Variants in TUNAR observed in about 807,000 individuals in gnomAD.
TUNAR encodes protein TUNAR.
intron 2 of TUNAR, among the ~76,000 whole-genome samples, chr14:95,913,799 C>T (rs2139669842): frequency 6.6e-6 from 1 of 152,216 alleles, no homozygotes; most frequent in South Asian, 2.1e-4. Context: ...GTGGCACGAT[C>T]TCAGCTCCCT....
intron 2 of TUNAR, among the ~76,000 whole-genome samples, chr14:95,888,179 A>G (rs1223472570): frequency 6.6e-6 from 1 of 152,240 alleles, no homozygotes; most frequent in Non-Finnish European, 1.5e-5. Flanking sequence ...CTTCTGAGAA[A>G]TGGGCATAAT....
exon 3 of TUNAR, chr14:95,923,894 C>T (rs1419245439): frequency 1.3e-5 from 2 of 152,110 alleles, no homozygotes; most frequent in South Asian, 2.1e-4. Context: ...CCTATCTTTA[C>T]TGAGAATTAT....
At chr14:95,881,493 TCTC>T (rs1315512870) in intron 2 of TUNAR, among the ~76,000 whole-genome samples, 1 of 152,154 alleles carries the variant, frequency 6.6e-6, no homozygotes, top group Non-Finnish European at 1.5e-5. Flanking sequence ...AAGAACTGTT[TCTC>T]CTCCTCCAGG....
At chr14:95,904,410 C>A (rs1241533515) in intron 2 of TUNAR, among the ~76,000 whole-genome samples, 1 of 152,078 alleles carries the variant, frequency 6.6e-6, no homozygotes, top group Non-Finnish European at 1.5e-5. Flanking sequence ...AAGGTGGGCC[C>A]TGGAATGATT....
At chr14:95,923,178 T>C in exon 3 of TUNAR, 1 of 379,752 alleles carries the variant, frequency 2.6e-6, no homozygotes, top group South Asian at 1.5e-4. Flanking sequence ...CCAACAAAAC[T>C]CATTCACAGC....
intron 2 of TUNAR, among the ~76,000 whole-genome samples, chr14:95,906,538 T>G (rs1889428781): frequency 6.6e-6 from 1 of 152,254 alleles, no homozygotes; most frequent in Admixed American, 6.5e-5. Flanking sequence ...GAAGCACATT[T>G]ACCCAATTAC....
chr14:95,907,223 C>T (rs1217243218), intron 2 of TUNAR, among the ~76,000 whole-genome samples: 1 of 152,112 alleles, frequency 6.6e-6, no homozygotes. Context: ...GGTTGCTTTT[C>T]GTATTTTTGC....
At chr14:95,888,807 T>TG (rs71307132) in intron 2 of TUNAR, among the ~76,000 whole-genome samples, 8,031 of 150,550 alleles carry the variant, frequency 0.053, 319 homozygotes, top group East Asian at 0.13. Context: ...TTCGAGGGGA[T>TG]GGGGGGGGCA....
intron 2 of TUNAR, among the ~76,000 whole-genome samples, chr14:95,919,888 T>A (rs1050695787): frequency 6.6e-6 from 1 of 152,194 alleles, no homozygotes; most frequent in Non-Finnish European, 1.5e-5. Flanking sequence ...TCAAATTTGC[T>A]GTATGTTAAA....
chr14:95,920,002 G>A (rs1343059251), intron 2 of TUNAR, among the ~76,000 whole-genome samples: 1 of 152,194 alleles, frequency 6.6e-6, no homozygotes, highest in Admixed American at 6.5e-5. Flanking sequence ...CAAACTTGAA[G>A]CAGTGAAAAT....
intron 2 of TUNAR, among the ~76,000 whole-genome samples, chr14:95,897,192 C>G (rs890518161): frequency 6.6e-6 from 1 of 152,150 alleles, no homozygotes; most frequent in East Asian, 1.9e-4. Context: ...AACTTTGTCC[C>G]CACTTTGTGT....
chr14:95,891,230 T>G (rs548545641), intron 2 of TUNAR, among the ~76,000 whole-genome samples: 6 of 152,282 alleles, frequency 3.9e-5, no homozygotes, highest in African/African-American at 1.4e-4. Context: ...AGAGCCAAGG[T>G]CCCACCTGCT....
chr14:95,888,797 T>G (rs1313740128), intron 2 of TUNAR, among the ~76,000 whole-genome samples: 1 of 150,236 alleles, frequency 6.7e-6, no homozygotes, highest in Admixed American at 6.7e-5. Flanking sequence ...CCAGCCCATA[T>G]TCGAGGGGAT....
chr14:95,914,050 A>C (rs1889562852), intron 2 of TUNAR, among the ~76,000 whole-genome samples: 1 of 152,230 alleles, frequency 6.6e-6, no homozygotes, highest in African/African-American at 2.4e-5. Context: ...ACTTTATAGC[A>C]ACCTTGGATA....
At chr14:95,899,420 T>C (rs1203754396) in intron 2 of TUNAR, among the ~76,000 whole-genome samples, 1 of 152,224 alleles carries the variant, frequency 6.6e-6, no homozygotes, top group Non-Finnish European at 1.5e-5. Context: ...ACTAGAAGGA[T>C]TCCTGGGTCC....
Position 95,883,445 on chromosome 14 carries a change from A to G in TUNAR, c.12+6268A>G, listed in dbSNP as rs1394608064. ...TTTCCTCAGACAGATGTCAGGGACA[A>G]CAGTTTAACAAACAGTTATGGAGCA... On this transcript the variant is annotated intron_variant, in intron 2 of 2. Transcript: ENST00000678517. Among the ~76,000 whole-genome samples, 4 of 152,308 alleles carry G rather than the reference A, an allele frequency of 2.6e-5. No individual in the cohort carries two copies. The East Asian group carries it at 7.7e-4, about 29-fold the overall frequency.
At chr14:95,921,724 A>G (rs1180235581) in intron 2 of TUNAR, among the ~76,000 whole-genome samples, 2 of 152,140 alleles carry the variant, frequency 1.3e-5, no homozygotes, top group Non-Finnish European at 2.9e-5. Flanking sequence ...TGCGCTAGTC[A>G]CTTTGGTGCT....
intron 2 of TUNAR, among the ~76,000 whole-genome samples, chr14:95,896,575 C>G (rs982181082): frequency 2.6e-5 from 4 of 152,204 alleles, no homozygotes; most frequent in African/African-American, 9.7e-5. Flanking sequence ...CATTCCAAGC[C>G]TCACTTGTTT....
At chr14:95,913,404 G>A (rs141848119) in intron 2 of TUNAR, among the ~76,000 whole-genome samples, 2,831 of 152,180 alleles carry the variant, frequency 0.019, 106 homozygotes, top group East Asian at 0.13. Context: ...ACTTATGAGT[G>A]AGAACATGCG....
Sources: allele counts gnomAD v4.1 joint callset (sites outside exome capture counted in the v4.1 genomes callset), GRCh38; gene constraint gnomAD v4.1.1; transcripts MANE v1.5; gene names NCBI Gene and HGNC (gene_info 2026-07-23, HGNC 2026-07-21).